Variants in RFC2 observed in about 807,000 individuals in gnomAD.
RFC2 encodes replication factor C subunit 2.
RFC2 carries 34 observed loss-of-function variants against 44.8 expected under a neutral mutation model. The observed-to-expected ratio is 0.76, with a 90% confidence interval of 0.58 to 1.01. The LOEUF is 1.01. Among genes scored for constraint, RFC2 ranks in the 50% least tolerant of loss-of-function variants. The probability of loss-of-function intolerance (pLI) is 0.00; values close to 1 mark genes in which losing one functional copy is unlikely to be tolerated. For synonymous variants in RFC2, 177 were observed against 168.9 expected, an observed-to-expected ratio of 1.05 and a Z score of -0.37; for missense variants, 400 against 453.6, an observed-to-expected ratio of 0.88 and a Z score of 1.07.
chr7:74,232,242 T>C (rs181963235), intron 10 of RFC2, 26 bp from the exon 11 acceptor site: 29 of 1,310,352 alleles, frequency 2.2e-5, no homozygotes, highest in African/African-American at 8.7e-5. Flanking sequence ...AATTCAAATC[T>C]GGTTAATAAG....
intron 7 of RFC2, among the ~76,000 whole-genome samples, chr7:74,239,267 C>A (rs1563989340): frequency 1.3e-5 from 2 of 150,842 alleles, no homozygotes; most frequent in South Asian, 4.2e-4. Flanking sequence ...TCTCCGTATC[C>A]CAGGTTCAAG....
In RFC2 at chr7:74,235,576, T is replaced by C; in HGVS notation, c.910A>G (p.Lys304Glu). 6.2e-7 allele frequency: 1 copy of C among 1,613,802 alleles called. No homozygotes were observed. Among genetic ancestry groups the C allele is most frequent in the South Asian group, 1.1e-5 (1 of 91,080 alleles). ...AGGTATTCTGCCATTTGGAAAGTTT[T>C]ACACACTCGAAAGATGTTGCCAATG... ...DIIGNIFRVC[K>E]TFQMAEYLKL... Residue 304 changes from lysine (K) to glutamate (E), a missense_variant, in exon 10 of 11, where the codon AAA becomes GAA. By Grantham distance (56) the Lys-to-Glu change is moderately conservative (BLOSUM62 1). Transcript: ENST00000055077.
intron 9 of RFC2, 28 bp downstream of exon 9, chr7:74,237,334 C>A: frequency 6.4e-7 from 1 of 1,562,686 alleles, no homozygotes; most frequent in South Asian, 1.1e-5. Context: ...AGCGGTTCCT[C>A]TGCCAGGACG....
At chr7:74,244,978 AAAC>A (rs572089428) in intron 5 of RFC2, among the ~76,000 whole-genome samples, 2 of 151,928 alleles carry the variant, frequency 1.3e-5, no homozygotes, top group Admixed American at 6.6e-5. Flanking sequence ...CTACAACAAA[AAAC>A]AACGTTATAG....
chr7:74,253,284 G>C (rs1787077799), intron 1 of RFC2, among the ~76,000 whole-genome samples: 1 of 151,356 alleles, frequency 6.6e-6, no homozygotes, highest in South Asian at 2.1e-4. Context: ...GCAATGGTGC[G>C]ATCTTGGGTC....
chr7:74,242,373 CTT>C (rs1172370228), intron 6 of RFC2, among the ~76,000 whole-genome samples: 4 of 152,102 alleles, frequency 2.6e-5, no homozygotes, highest in African/African-American at 9.7e-5. Context: ...AGCTCGTTTT[CTT>C]TCTCTTTTTT....
At chr7:74,244,601 T>C (rs1803498843) in intron 5 of RFC2, among the ~76,000 whole-genome samples, 1 of 151,494 alleles carries the variant, frequency 6.6e-6, no homozygotes, top group Non-Finnish European at 1.5e-5. Flanking sequence ...ACTCCTGACC[T>C]CAAGCAATCT....
intron 7 of RFC2, 141 bp from the exon 8 acceptor site, chr7:74,239,129 T>A: frequency 1.6e-6 from 1 of 629,748 alleles, no homozygotes. Flanking sequence ...TCCCAAGTGC[T>A]GGGATTACAG....
intron 7 of RFC2, 43 bp downstream of exon 7, chr7:74,239,895 C>T (rs73129384): frequency 0.029 from 44,976 of 1,531,010 alleles, 812 homozygotes; most frequent in Middle Eastern, 0.049. Flanking sequence ...AGGGGCATGG[C>T]AGGCACAGGA....
chr7:74,237,991 C>T (rs1010563136), intron 8 of RFC2, among the ~76,000 whole-genome samples: 3 of 152,062 alleles, frequency 2.0e-5, no homozygotes, highest in African/African-American at 4.8e-5. Flanking sequence ...GGTACAATGT[C>T]GACCCCTACA....
At chr7:74,241,652 C>T (rs951441699) in intron 6 of RFC2, among the ~76,000 whole-genome samples, 3 of 152,168 alleles carry the variant, frequency 2.0e-5, no homozygotes, top group African/African-American at 7.2e-5. Context: ...GCTGTGCAGG[C>T]AGCCTGTGTC....
At chr7:74,247,177 C>T (rs1222952719) in intron 4 of RFC2, among the ~76,000 whole-genome samples, 1 of 150,746 alleles carries the variant, frequency 6.6e-6, no homozygotes, top group African/African-American at 2.4e-5. Context: ...CTTGAGATAC[C>T]ATATTATCTT....
At position 74,240,589 on chromosome 7, in the gene RFC2, AGGCCTCAGTTGGCACTGCCCACAT is replaced by A. The variant is rs570747330; in HGVS notation, c.536-518_536-495del. On this transcript the variant is annotated intron_variant, in intron 6 of 10. Coordinates refer to ENST00000055077, the MANE Select transcript of RFC2 (RefSeq NM_181471.3). ...GGTGTCAACCAATAAGCAATGACAG[AGGCCTCAGTTGGCACTGCCCACAT>A]GGCCTTGGCTAGCCACGGCTTCCAG... is the stretch of plus-strand genomic sequence containing the variant. Among the ~76,000 whole-genome samples the A allele has an allele frequency of 5.6e-3, 854 of 151,924 alleles. 10 individuals carry two copies. The highest frequency in any genetic ancestry group is 0.019 in the African/African-American group (806 of 41,438).
At position 74,238,564 on chromosome 7, in the gene RFC2, G is replaced by A. The variant is rs1237118266; in HGVS notation, c.759+359C>T. Among the ~76,000 whole-genome samples the A allele has an allele frequency of 2.6e-5, 4 of 151,878 alleles. No individual in the cohort carries two copies. Among genetic ancestry groups the A allele is most frequent in the African/African-American group, 9.7e-5 (4 of 41,318 alleles). The stretch of plus-strand genomic sequence containing the variant: ...ACAGTGCTCCTGCCTGCCCTTTAGG[G>A]GCCAGGGGATCCCCTGGGCCCACGT... On this transcript the variant is annotated intron_variant, in intron 8 of 10. Transcript: ENST00000055077. This position sits in a 1 kb window ranked among gnomAD's most constrained non-coding sequence, Gnocchi z 4.0.
intron 1 of RFC2, 120 bp from the exon 2 acceptor site, chr7:74,252,618 C>A: frequency 1.4e-6 from 1 of 695,314 alleles, no homozygotes; most frequent in Non-Finnish European, 2.6e-6. Flanking sequence ...ACAACTATGC[C>A]AAATGGTTGC....
At chr7:74,249,626 G>A (rs1379818006) in intron 3 of RFC2, 113 bp downstream of exon 3, 19 of 848,424 alleles carry the variant, frequency 2.2e-5, no homozygotes, top group Middle Eastern at 4.5e-4. Context: ...TCCCTTTGCC[G>A]GGGGAATGGG....
rs1368045992 is a variant in RFC2, at chr7:74,239,007, A to T, written c.694-19T>A. On this transcript the variant is annotated intron_variant, in intron 7 of 10. Coordinates refer to ENST00000055077, the MANE Select transcript of RFC2 (RefSeq NM_181471.3). ...TCAGCGCCTGTTCAGGAGCAAACAC[A>T]TGTCAAGGATGATTTTTATATTTAT... 4 of 1,598,042 alleles carry T rather than the reference A, an allele frequency of 2.5e-6. No individual in the cohort carries two copies. The highest frequency in any genetic ancestry group is 3.4e-6 in the Non-Finnish European group (4 of 1,165,612).
At chr7:74,245,466 A>T (rs113124697) in intron 5 of RFC2, among the ~76,000 whole-genome samples, 3,965 of 151,558 alleles carry the variant, frequency 0.026, 168 homozygotes, top group African/African-American at 0.09. Context: ...TAATCCCAGC[A>T]CTTTGGGAGG....
In RFC2 at chr7:74,237,357, C is replaced by T; in HGVS notation, c.840+5G>A. 1.2e-6 allele frequency: 2 copies of T among 1,600,864 alleles called. No homozygotes were observed. Among genetic ancestry groups the T allele is most frequent in the South Asian group, 2.3e-5 (2 of 88,762 alleles). ...CTCTGCCAGGACGGGGGGAAGGAGG[C>T]CAACCTTGTAGGCTTCGTCAATGTT... On this transcript the variant is annotated splice_donor_5th_base_variant and intron_variant, in intron 9 of 10. Transcript: ENST00000055077.
Sources: allele counts gnomAD v4.1 joint callset (sites outside exome capture counted in the v4.1 genomes callset), GRCh38; gene constraint gnomAD v4.1.1; non-coding constraint Gnocchi (gnomAD v3.1); transcripts MANE v1.5; gene names NCBI Gene and HGNC (gene_info 2026-07-23, HGNC 2026-07-21).